IGSF11: variants seen among roughly 807,000 people sequenced by gnomAD.
The protein encoded by IGSF11 is CXADR like 1.
A neutral mutation model predicts 41.0 loss-of-function variants in IGSF11; 22 were observed. That is an observed-to-expected ratio of 0.54 (90% CI 0.38 to 0.77). IGSF11 has a LOEUF of 0.77. IGSF11 is among the 30% of genes least tolerant of loss of function. The probability of loss-of-function intolerance (pLI) is 0.00; values close to 1 mark genes in which losing one functional copy is unlikely to be tolerated. For synonymous variants in IGSF11, 219 were observed against 201.3 expected, an observed-to-expected ratio of 1.09 and a Z score of -0.74; for missense variants, 444 against 530.8, an observed-to-expected ratio of 0.84 and a Z score of 1.61.
intron 1 of IGSF11, among the ~76,000 whole-genome samples, chr3:118,989,920 G>A (rs1433043891): frequency 6.6e-6 from 1 of 152,112 alleles, no homozygotes; most frequent in African/African-American, 2.4e-5. Context: ...TAACTTTTTA[G>A]CAGCAAAGGA....
At chr3:119,063,945 T>C (rs1942137256) in intron 1 of IGSF11, among the ~76,000 whole-genome samples, 1 of 152,176 alleles carries the variant, frequency 6.6e-6, no homozygotes, top group African/African-American at 2.4e-5. Context: ...AGAGTGATGA[T>C]TGGGAAAATG....
chr3:118,947,133 C>A lies in IGSF11; in HGVS notation c.53-16858G>T, dbSNP rs1054274310. ...ATACCCTCTGATATACTGAACCCAA[C>A]GCCTATCCTCCAGCCCCCTAAGAAC... On this transcript the variant is annotated intron_variant, in intron 1 of 6. Coordinates refer to ENST00000393775, the MANE Select transcript of IGSF11 (RefSeq NM_001015887.3). The A allele has an allele frequency of 2.6e-5, 4 of 152,218 alleles. 1 individual carries two copies. The highest frequency in any genetic ancestry group is 1.3e-4 in the Admixed American group (2 of 15,286). The allele number at this position is 152,218 out of a possible 1,614,324, so 9.4% of individuals were successfully genotyped here. A position where few individuals can be genotyped will look rare whatever the true frequency, so the allele number is the denominator to read the frequency against.
Position 119,034,769 on chromosome 3 carries a change from C to T in IGSF11, c.-187G>A. On this transcript the variant is annotated 5_prime_UTR_variant, in exon 1 of 7. Coordinates refer to ENST00000393775, the MANE Select transcript of IGSF11 (RefSeq NM_001015887.3). ...GAGCCAAGTGCAGCTGCAGCGCCGCCCGGCTCCGCGGACGCTGAGCTGTGA... is the reference window on the plus strand; with the variant it reads ...GAGCCAAGTGCAGCTGCAGCGCCGCTCGGCTCCGCGGACGCTGAGCTGTGA... 7.6e-7 allele frequency: 1 copy of T among 1,309,428 alleles called. No individual in the cohort carries two copies. Among genetic ancestry groups the T allele is most frequent in the South Asian group, 2.1e-5 (1 of 46,684 alleles). The allele number at this position is 1,309,428 out of a possible 1,614,324, so 81.1% of individuals were successfully genotyped here.
chr3:118,974,869 C>G (rs1484146675), intron 1 of IGSF11, among the ~76,000 whole-genome samples: 1 of 151,526 alleles, frequency 6.6e-6, no homozygotes, highest in Non-Finnish European at 1.5e-5. Context: ...ATATATTTGT[C>G]AAAACACCTA....
At chr3:118,935,151 A>C (rs1455240581) in intron 1 of IGSF11, among the ~76,000 whole-genome samples, 1 of 151,158 alleles carries the variant, frequency 6.6e-6, no homozygotes, top group Non-Finnish European at 1.5e-5. Flanking sequence ...AAGAAAGCAC[A>C]CCATGGGAAC....
chr3:119,067,712 C>G (rs905752088), intron 1 of IGSF11, among the ~76,000 whole-genome samples: 1 of 152,028 alleles, frequency 6.6e-6, no homozygotes, highest in Non-Finnish European at 1.5e-5. Flanking sequence ...CTACTAAAAA[C>G]TTTATTTCAT....
chr3:119,032,192 C>T (rs1176890888), intron 1 of IGSF11, among the ~76,000 whole-genome samples: 1 of 152,128 alleles, frequency 6.6e-6, no homozygotes, highest in Non-Finnish European at 1.5e-5. Context: ...GTGGCCACTG[C>T]TATTGGTTAT....
intron 1 of IGSF11, among the ~76,000 whole-genome samples, chr3:119,144,249 G>C (rs898748223): frequency 6.6e-6 from 1 of 152,064 alleles, no homozygotes; most frequent in African/African-American, 2.4e-5. Context: ...ATAATGAGTA[G>C]AACCCTAGAC....
chr3:119,113,990 T>C (rs561200590), intron 1 of IGSF11, among the ~76,000 whole-genome samples: 1 of 152,332 alleles, frequency 6.6e-6, no homozygotes, highest in South Asian at 2.1e-4. Flanking sequence ...ACCTGAGACA[T>C]ATCTGGGGCC....
chr3:119,127,398 T>C (rs966047065), intron 1 of IGSF11, among the ~76,000 whole-genome samples: 1 of 151,392 alleles, frequency 6.6e-6, no homozygotes, highest in Non-Finnish European at 1.5e-5. Context: ...AAATCTACGA[T>C]TGATTGGAGT....
chr3:119,023,010 C>G (rs1341767765), intron 1 of IGSF11, among the ~76,000 whole-genome samples: 2 of 151,888 alleles, frequency 1.3e-5, no homozygotes, highest in Non-Finnish European at 2.9e-5. Flanking sequence ...GCCTGTAACC[C>G]CCGCACTTTG....
chr3:119,089,555 T>G (rs768413517), intron 1 of IGSF11, among the ~76,000 whole-genome samples: 2 of 152,026 alleles, frequency 1.3e-5, no homozygotes, highest in Non-Finnish European at 2.9e-5. Context: ...TCCTATACAA[T>G]ATAGTACTGG....
At chr3:119,124,531 C>T (rs1036628998) in intron 1 of IGSF11, among the ~76,000 whole-genome samples, 1 of 150,862 alleles carries the variant, frequency 6.6e-6, no homozygotes, top group Non-Finnish European at 1.5e-5. Context: ...CCAACATGGT[C>T]ATCAGAGTCT....
upstream of IGSF11, among the ~76,000 whole-genome samples, chr3:119,105,926 C>T (rs1180207441): frequency 6.6e-6 from 1 of 152,106 alleles, no homozygotes; most frequent in Non-Finnish European, 1.5e-5. Context: ...CCTTGAACCC[C>T]AACCAACAAG....
chr3:119,036,753 A>G (rs947230710), upstream of IGSF11, among the ~76,000 whole-genome samples: 1 of 152,126 alleles, frequency 6.6e-6, no homozygotes, highest in Non-Finnish European at 1.5e-5. Context: ...TATGGGCTAT[A>G]TCTGTGCTAT....
intron 1 of IGSF11, among the ~76,000 whole-genome samples, chr3:119,043,083 C>A (rs937226365): frequency 6.6e-6 from 1 of 152,174 alleles, no homozygotes; most frequent in Non-Finnish European, 1.5e-5. Flanking sequence ...CCGTGGAACC[C>A]AGCGACTAGC....
intron 1 of IGSF11, among the ~76,000 whole-genome samples, chr3:119,083,126 CTTTTT>C (rs79620142): frequency 0.25 from 32,281 of 128,912 alleles, 4,335 homozygotes; most frequent in Middle Eastern, 0.39. Context: ...TTTCTTTTTT[CTTTTT>C]TTTTTTTTTT....
chr3:118,976,832 C>T (rs1309729175), intron 1 of IGSF11, among the ~76,000 whole-genome samples: 1 of 152,122 alleles, frequency 6.6e-6, no homozygotes, highest in African/African-American at 2.4e-5. Flanking sequence ...CCTTCATTTG[C>T]CAACCCCCAT....
At chr3:118,999,192 T>G (rs905009340) in intron 1 of IGSF11, among the ~76,000 whole-genome samples, 1 of 152,068 alleles carries the variant, frequency 6.6e-6, no homozygotes, top group African/African-American at 2.4e-5. Context: ...AACTTACTAA[T>G]AAATATCTTA....
Sources: gnomAD v4.1 joint callset for allele counts (sites outside exome capture counted in the v4.1 genomes callset) on GRCh38, gnomAD v4.1.1 for gene constraint, MANE v1.5 for transcripts, NCBI Gene and HGNC (gene_info 2026-07-23, HGNC 2026-07-21) for gene names.